HEMK2: variants seen among roughly 807,000 people sequenced by gnomAD.
The protein encoded by HEMK2 is HemK methyltransferase 2, ETF1 glutamine and histone H4 lysine.
chr21:28,831,566 GGAAA>G, the HEMK2 span, among the ~76,000 whole-genome samples: 1 of 65,796 alleles, frequency 1.5e-5, no homozygotes, highest in African/African-American at 9.4e-5. Flanking sequence ...AAGGAAAGAA[GGAAA>G]GAAAGAAAGA....
the HEMK2 span, among the ~76,000 whole-genome samples, chr21:28,759,405 T>C: frequency 5.9e-4 from 90 of 152,318 alleles, no homozygotes; most frequent in Non-Finnish European, 1.1e-3. Flanking sequence ...GTACCCCCAC[T>C]GTCTCTAAAA....
At chr21:28,780,527 G>C in the HEMK2 span, among the ~76,000 whole-genome samples, 1 of 150,062 alleles carries the variant, frequency 6.7e-6, no homozygotes, top group African/African-American at 2.5e-5. Flanking sequence ...TAGCCAGGAT[G>C]GTCTCCATCT....
At chr21:28,620,127 C>A in the HEMK2 span, among the ~76,000 whole-genome samples, 1 of 152,092 alleles carries the variant, frequency 6.6e-6, no homozygotes. Flanking sequence ...CCAACTTGAT[C>A]CTGGTGGATA....
the HEMK2 span, among the ~76,000 whole-genome samples, chr21:28,726,124 C>A: frequency 6.6e-6 from 1 of 151,980 alleles, no homozygotes; most frequent in Non-Finnish European, 1.5e-5. Flanking sequence ...CTAAATTTAA[C>A]TAAATAAGAA....
chr21:28,866,346 G>A, the HEMK2 span, among the ~76,000 whole-genome samples: 1 of 150,138 alleles, frequency 6.7e-6, no homozygotes, highest in Non-Finnish European at 1.5e-5. Context: ...CTACTCGGGA[G>A]GCTGAGTCAG....
At chr21:28,616,601 A>G in the HEMK2 span, among the ~76,000 whole-genome samples, 1 of 152,186 alleles carries the variant, frequency 6.6e-6, no homozygotes, top group Admixed American at 6.5e-5. Flanking sequence ...ATGCTAGCCT[A>G]CGCCATTGTA....
At chr21:28,583,642 CA>C in the HEMK2 span, among the ~76,000 whole-genome samples, 4 of 152,136 alleles carry the variant, frequency 2.6e-5, no homozygotes, top group Admixed American at 6.5e-5. Context: ...TAAATGATTT[CA>C]GAGAACATGT....
chr21:28,752,248 C>G, the HEMK2 span, among the ~76,000 whole-genome samples: 2 of 152,160 alleles, frequency 1.3e-5, no homozygotes, highest in African/African-American at 4.8e-5. Flanking sequence ...ATCAAAATAA[C>G]TGGAAGGAGC....
At chr21:28,839,000 T>TATATATATAC in the HEMK2 span, among the ~76,000 whole-genome samples, 8 of 57,994 alleles carry the variant, frequency 1.4e-4, no homozygotes, top group Admixed American at 2.6e-4. Context: ...TATATATATA[T>TATATATATAC]ACATATATAT....
At chr21:28,714,449 T>C in the HEMK2 span, among the ~76,000 whole-genome samples, 1 of 152,220 alleles carries the variant, frequency 6.6e-6, no homozygotes, top group Non-Finnish European at 1.5e-5. Flanking sequence ...ATATGGTAGG[T>C]ACAGACAATG....
At chr21:28,619,190 T>C in the HEMK2 span, among the ~76,000 whole-genome samples, 1 of 152,156 alleles carries the variant, frequency 6.6e-6, no homozygotes. Flanking sequence ...ATCTTGTCAA[T>C]ATCTGGATTT....
At chr21:28,591,076 T>A in the HEMK2 span, among the ~76,000 whole-genome samples, 1 of 152,220 alleles carries the variant, frequency 6.6e-6, no homozygotes, top group Non-Finnish European at 1.5e-5. Context: ...ATGGCAAGAA[T>A]GTGTTATTCC....
At chr21:28,751,610 C>G in the HEMK2 span, among the ~76,000 whole-genome samples, 1 of 152,180 alleles carries the variant, frequency 6.6e-6, no homozygotes, top group African/African-American at 2.4e-5. Flanking sequence ...AAGATTTAGA[C>G]AGAAAAATTT....
chr21:28,696,078 CAA>C, the HEMK2 span, among the ~76,000 whole-genome samples: 1 of 152,058 alleles, frequency 6.6e-6, no homozygotes, highest in Non-Finnish European at 1.5e-5. Flanking sequence ...TGGCAGCAAA[CAA>C]GAGAGAATGA....
the HEMK2 span, among the ~76,000 whole-genome samples, chr21:28,733,686 A>C: frequency 6.6e-6 from 1 of 150,796 alleles, no homozygotes; most frequent in Non-Finnish European, 1.5e-5. Context: ...TGCCCCATGT[A>C]ACCTTTTGGT....
At chr21:28,618,637 G>A in the HEMK2 span, among the ~76,000 whole-genome samples, 1,463 of 152,188 alleles carry the variant, frequency 9.6e-3, 26 homozygotes, top group African/African-American at 0.033. Flanking sequence ...AATTGATATC[G>A]TTGAAAAACA....
chr21:28,824,092 C>T, the HEMK2 span, among the ~76,000 whole-genome samples: 4 of 152,276 alleles, frequency 2.6e-5, no homozygotes, highest in South Asian at 8.3e-4. Flanking sequence ...AACCTGGCTG[C>T]ACATTTGAAT....
chr21:28,579,646 A>T, the HEMK2 span, among the ~76,000 whole-genome samples: 1 of 152,214 alleles, frequency 6.6e-6, no homozygotes, highest in South Asian at 2.1e-4. Context: ...ATCATAATAC[A>T]AATAGAATGG....
chr21:28,827,763 C>A, the HEMK2 span, among the ~76,000 whole-genome samples: 1 of 152,174 alleles, frequency 6.6e-6, no homozygotes, highest in African/African-American at 2.4e-5. Context: ...TTGCATGCAT[C>A]TAGTTTTTGC....
Sources: gnomAD v4.1 joint callset for allele counts (sites outside exome capture counted in the v4.1 genomes callset) on GRCh38, gnomAD v4.1.1 for gene constraint, MANE v1.5 for transcripts, NCBI Gene and HGNC (gene_info 2026-07-23, HGNC 2026-07-21) for gene names.